The following GK5 variants were observed in gnomAD, a reference collection of about 807,000 sequenced individuals.
GK5 encodes ATP:glycerol 3-phosphotransferase 5.
A neutral mutation model predicts 77.3 loss-of-function variants in GK5; 39 were observed. The observed-to-expected ratio is 0.50, with a 90% confidence interval of 0.39 to 0.66. The LOEUF (loss-of-function observed/expected upper bound fraction) is 0.66, where lower values mean the gene tolerates loss of function less well. Among genes scored for constraint, GK5 ranks in the 30% least tolerant of loss-of-function variants. GK5 has a pLI of 0.00. For missense variants in GK5, 487 were observed against 633.8 expected, an observed-to-expected ratio of 0.77 and a Z score of 2.49; for synonymous variants, 211 against 208.0, an observed-to-expected ratio of 1.01 and a Z score of -0.13.
At chr3:142,173,578 G>T (rs4683676) in intron 12 of GK5, among the ~76,000 whole-genome samples, 12,096 of 152,206 alleles carry the variant, frequency 0.079, 612 homozygotes, top group Non-Finnish European at 0.12. Flanking sequence ...CAGCTGCTCG[G>T]GAGGCTGAGG....
chr3:142,205,631 T>A (rs1170063569), intron 3 of GK5, among the ~76,000 whole-genome samples: 1 of 152,028 alleles, frequency 6.6e-6, no homozygotes, highest in Non-Finnish European at 1.5e-5. Flanking sequence ...CCTCAAACAT[T>A]CCCTTTTCTT....
At chr3:142,204,659 AC>A in intron 4 of GK5, 35 bp downstream of exon 4, 1 of 1,157,052 alleles carries the variant, frequency 8.6e-7, no homozygotes, top group Non-Finnish European at 1.3e-6. Flanking sequence ...GAAAAAAAAA[AC>A]CAACAATATC....
chr3:142,186,919 C>T (rs1266659921), intron 6 of GK5, among the ~76,000 whole-genome samples: 3 of 152,154 alleles, frequency 2.0e-5, no homozygotes, highest in Admixed American at 1.3e-4. Flanking sequence ...ACGTAAACCA[C>T]CGCACCTGGC....
At chr3:142,220,597 T>A (rs2064331364) in intron 1 of GK5, among the ~76,000 whole-genome samples, 1 of 152,170 alleles carries the variant, frequency 6.6e-6, no homozygotes. Flanking sequence ...TAATGGCCTA[T>A]AAGACCAGAG....
chr3:142,173,163 T>C (rs1359943536), intron 12 of GK5: 2 of 436,404 alleles, frequency 4.6e-6, no homozygotes, highest in Non-Finnish European at 9.1e-6. Context: ...ATCGCGTTAC[T>C]GCACTCCAGC....
intron 3 of GK5, among the ~76,000 whole-genome samples, chr3:142,208,846 C>T (rs113624459): frequency 1.1e-4 from 16 of 152,280 alleles, no homozygotes; most frequent in Middle Eastern, 3.4e-3. Context: ...AGCTGGAATA[C>T]GCCCTATAAA....
At chr3:142,216,770 A>G (rs1426131264) in intron 1 of GK5, among the ~76,000 whole-genome samples, 2 of 152,162 alleles carry the variant, frequency 1.3e-5, no homozygotes, top group Non-Finnish European at 1.5e-5. Context: ...ACACTATACC[A>G]AAAATACTAA....
chr3:142,190,890 A>G (rs539667338), intron 5 of GK5, among the ~76,000 whole-genome samples: 4 of 152,342 alleles, frequency 2.6e-5, no homozygotes. Flanking sequence ...AGTCATTTGC[A>G]AAAGACATAA....
At chr3:142,191,899 G>A (rs147566418) in intron 5 of GK5, among the ~76,000 whole-genome samples, 332 of 152,028 alleles carry the variant, frequency 2.2e-3, no homozygotes, top group African/African-American at 7.1e-3. Context: ...CAGGAGGCTG[G>A]GGCAGGAAGC....
At chr3:142,179,177 G>C (rs1326145485) in intron 11 of GK5, among the ~76,000 whole-genome samples, 1 of 152,158 alleles carries the variant, frequency 6.6e-6, no homozygotes, top group African/African-American at 2.4e-5. Flanking sequence ...ATCATTTTAT[G>C]ATTTGTTATA....
At chr3:142,176,598 T>C (rs1374492434) in intron 12 of GK5, among the ~76,000 whole-genome samples, 1 of 151,936 alleles carries the variant, frequency 6.6e-6, no homozygotes, top group African/African-American at 2.4e-5. Flanking sequence ...CCTAGGTTCA[T>C]TTTTTGATTA....
At chr3:142,219,931 T>C (rs779573391) in intron 1 of GK5, among the ~76,000 whole-genome samples, 41 of 152,212 alleles carry the variant, frequency 2.7e-4, no homozygotes, top group Admixed American at 3.3e-4. Context: ...GCCACGCCAC[T>C]GCACTGCAGC....
At chr3:142,212,135 C>G (rs1027990989) in intron 3 of GK5, among the ~76,000 whole-genome samples, 5 of 152,160 alleles carry the variant, frequency 3.3e-5, no homozygotes, top group African/African-American at 9.7e-5. Context: ...ACTTTTCTTT[C>G]CCACTGCCCA....
chr3:142,196,743 C>A lies in GK5; in HGVS notation c.543+2059G>T, dbSNP rs199694391. 1.2e-4 allele frequency among the ~76,000 whole-genome samples: 19 copies of A among 152,236 alleles called. No individual in the cohort carries two copies. In the East Asian group the frequency reaches 3.5e-3, roughly 28 times the overall value. On this transcript the variant is annotated intron_variant, in intron 5 of 15. Transcript: ENST00000392993. ...TAGTATGGCCTAGCCTATGATCTATCCTGGAGAAAATTCCATGTACACTTC... is the reference window on the plus strand; with the variant it reads ...TAGTATGGCCTAGCCTATGATCTATACTGGAGAAAATTCCATGTACACTTC...
intron 5 of GK5, among the ~76,000 whole-genome samples, chr3:142,191,113 G>A (rs1274980679): frequency 6.6e-6 from 1 of 151,914 alleles, no homozygotes; most frequent in Non-Finnish European, 1.5e-5. Context: ...TGCAGTCTCA[G>A]CTCTCTGCAA....
chr3:142,182,839 G>A, intron 10 of GK5, 84 bp downstream of exon 10: 1 of 881,864 alleles, frequency 1.1e-6, no homozygotes, highest in South Asian at 1.9e-5. Flanking sequence ...TCACAAAATG[G>A]GAAAATAGTA....
chr3:142,180,561 C>A (rs2063682555), intron 11 of GK5, among the ~76,000 whole-genome samples: 1 of 152,176 alleles, frequency 6.6e-6, no homozygotes, highest in Admixed American at 6.5e-5. Flanking sequence ...CTCAGCCCCG[C>A]AAAGTGCTGG....
intron 3 of GK5, 25 bp from the exon 4 acceptor site, chr3:142,204,813 G>A: frequency 7.9e-7 from 1 of 1,271,194 alleles, no homozygotes; most frequent in South Asian, 1.3e-5. Flanking sequence ...ACAGTATTTT[G>A]AGACCCAGCA....
chr3:142,191,263 C>T (rs1055426005), intron 5 of GK5, among the ~76,000 whole-genome samples: 1 of 151,844 alleles, frequency 6.6e-6, no homozygotes, highest in African/African-American at 2.4e-5. Flanking sequence ...CTCCTGACCT[C>T]GTGATCCGCC....
Sources: allele counts gnomAD v4.1 joint callset (sites outside exome capture counted in the v4.1 genomes callset), GRCh38; gene constraint gnomAD v4.1.1; transcripts MANE v1.5; gene names NCBI Gene and HGNC (gene_info 2026-07-23, HGNC 2026-07-21).